Variants in SRM observed in about 807,000 individuals in gnomAD.
SRM encodes putrescine aminopropyltransferase.
A neutral mutation model predicts 39.3 loss-of-function variants in SRM; 14 were observed. The ratio of observed to expected loss-of-function variants is 0.36; its 90% CI spans 0.24 to 0.56. SRM has a LOEUF of 0.56. Among genes scored for constraint, SRM ranks in the 20% least tolerant of loss-of-function variants. The pLI is 0.86. For missense variants in SRM, 244 were observed against 409.2 expected (o/e 0.60, Z 3.48); for synonymous variants, 195 against 173.1 (o/e 1.13, Z -0.99).
chr1:11,056,195 C>T, intron 4 of SRM, 101 bp from the exon 5 acceptor site: 2 of 1,142,222 alleles, frequency 1.8e-6, no homozygotes, highest in South Asian at 1.6e-5. Context: ...GGATCTGAAC[C>T]CAGGTCTGTG....
In SRM at chr1:11,054,697, C is replaced by G. The variant is rs1638836399; in HGVS notation, c.*168G>C. Reference sequence around the variant, plus strand: ...AGGTGGAACGCCAGAGAGACAGACACACAGACAGTCCGCCCAGCAGGGCAG... The same window carrying G: ...AGGTGGAACGCCAGAGAGACAGACAGACAGACAGTCCGCCCAGCAGGGCAG... On this transcript the variant is annotated 3_prime_UTR_variant, in exon 8 of 8. Transcript: ENST00000376957. This position sits in a 1 kb window ranked among gnomAD's most constrained non-coding sequence, Gnocchi z 4.8. The G allele has an allele frequency of 2.0e-6, 2 of 983,308 alleles. No homozygotes were observed. The highest frequency in any genetic ancestry group is 2.9e-6 in the Non-Finnish European group (2 of 686,514). The allele number at this position is 983,308 out of a possible 1,614,324, so 60.9% of individuals were successfully genotyped here. A position where few individuals can be genotyped will look rare whatever the true frequency, so the allele number is the denominator to read the frequency against.
At chr1:11,058,773 C>A (rs756395231) in intron 3 of SRM, 27 bp downstream of exon 3, 1 of 1,580,938 alleles carries the variant, frequency 6.3e-7, no homozygotes, top group South Asian at 1.2e-5. Context: ...AACCAGGACT[C>A]AAACCTGGCT....
At chr1:11,057,111 C>A (rs1032412021) in intron 3 of SRM, among the ~76,000 whole-genome samples, 1 of 152,108 alleles carries the variant, frequency 6.6e-6, no homozygotes, top group Non-Finnish European at 1.5e-5. Context: ...CCCACCTCGG[C>A]CTCCAAAAGT....
Position 11,054,708 on chromosome 1 carries a change from C to T in SRM, c.*157G>A, listed in dbSNP as rs868152423. ...CAGAGAGACAGACACACAGACAGTC[C>T]GCCCAGCAGGGCAGGCCGGGCAGCA... On this transcript the variant is annotated 3_prime_UTR_variant, in exon 8 of 8. Coordinates refer to ENST00000376957, the MANE Select transcript of SRM (RefSeq NM_003132.3). This position sits in a 1 kb window ranked among gnomAD's most constrained non-coding sequence, Gnocchi z 4.8. The T allele has an allele frequency of 2.8e-5, 30 of 1,080,084 alleles. 1 individual carries two copies. The highest frequency in any genetic ancestry group is 1.8e-4 in the East Asian group (7 of 38,282). The allele number at this position is 1,080,084 out of a possible 1,614,324, so 66.9% of individuals were successfully genotyped here.
rs748291942 is a variant in SRM at position 11,056,111 on chromosome 1, G to A, written c.536-17C>T. 2 of 1,595,762 alleles carry A rather than the reference G, an allele frequency of 1.3e-6. No individual in the cohort carries two copies. Among genetic ancestry groups the A allele is most frequent in the Admixed American group, 1.7e-5 (1 of 58,064 alleles). ...CGGCGGGGCCTGGGGAAGACAGAGG[G>A]AGACACACTGAACAGTCTGGCTGTG... On this transcript the variant is annotated splice_polypyrimidine_tract_variant and intron_variant, in intron 4 of 7. Coordinates refer to ENST00000376957, the MANE Select transcript of SRM (RefSeq NM_003132.3).
At chr1:11,058,043 T>G (rs1638910438) in intron 3 of SRM, among the ~76,000 whole-genome samples, 1 of 152,088 alleles carries the variant, frequency 6.6e-6, no homozygotes, top group Admixed American at 6.6e-5. Context: ...CGTCCCAAAG[T>G]GCTGGGATTA....
chr1:11,059,043 T>C (rs1638929348), intron 2 of SRM, 151 bp from the exon 3 acceptor site: 9 of 1,343,480 alleles, frequency 6.7e-6, no homozygotes, highest in Non-Finnish European at 9.2e-6. Context: ...TTCCTGGAAG[T>C]TCCTTCCAGG....
intron 1 of SRM, 182 bp from the exon 2 acceptor site, chr1:11,059,527 G>C: frequency 2.8e-6 from 3 of 1,069,282 alleles, no homozygotes; most frequent in Non-Finnish European, 4.0e-6. Flanking sequence ...TGGGACCCGG[G>C]GTCTCCTCGG....
chr1:11,055,758 A>AACAC, intron 6 of SRM, 23 bp downstream of exon 6: 1 of 748,342 alleles, frequency 1.3e-6, no homozygotes, highest in Non-Finnish European at 2.1e-6. Context: ...CCCAACCCCC[A>AACAC]CCCCCAGACA....
At chr1:11,059,618 C>A (rs1638941574) in intron 1 of SRM, 159 bp downstream of exon 1, 2 of 1,016,626 alleles carry the variant, frequency 2.0e-6, no homozygotes, top group Non-Finnish European at 2.8e-6. Context: ...GCCCGCAGTC[C>A]CAGCCCCAGC....
chr1:11,056,466 G>A (rs1638878913), intron 4 of SRM, 138 bp downstream of exon 4: 2 of 1,098,240 alleles, frequency 1.8e-6, no homozygotes, highest in Admixed American at 2.7e-5. Context: ...CAGAGGGCAG[G>A]TAACAAATGA....
chr1:11,059,452 G>A (rs140930363), intron 1 of SRM, 107 bp from the exon 2 acceptor site: 2 of 1,536,582 alleles, frequency 1.3e-6, no homozygotes, highest in East Asian at 2.3e-5. Flanking sequence ...AGGGGTCCCA[G>A]GGATGAGGAG....
intron 3 of SRM, 80 bp downstream of exon 3, chr1:11,058,720 C>CG: frequency 7.8e-7 from 1 of 1,284,254 alleles, no homozygotes; most frequent in Non-Finnish European, 1.1e-6. Flanking sequence ...CTGCCTTGCT[C>CG]GGGGGTGTGC....
At chr1:11,058,226 G>A (rs1315213369) in intron 3 of SRM, among the ~76,000 whole-genome samples, 2 of 152,138 alleles carry the variant, frequency 1.3e-5, no homozygotes, top group Non-Finnish European at 2.9e-5. Flanking sequence ...CGTACAAATA[G>A]TTGAGCTGTC....
intron 1 of SRM, 40 bp from the exon 2 acceptor site, chr1:11,059,385 GGTGGGGAAAAC>G: frequency 6.2e-7 from 1 of 1,607,206 alleles, no homozygotes. Flanking sequence ...GGTTCTCTGG[GGTGGGGAAAAC>G]GTACCCCAAG....
Position 11,055,763 on chromosome 1 carries a change from C to CCA in SRM, c.765+17_765+18insTG. The CCA allele has an allele frequency of 6.5e-7, 1 of 1,534,124 alleles. No individual in the cohort carries two copies. Among genetic ancestry groups the CCA allele is most frequent in the Non-Finnish European group, 8.8e-7 (1 of 1,134,552 alleles). On this transcript the variant is annotated intron_variant, in intron 6 of 7. Coordinates refer to ENST00000376957, the MANE Select transcript of SRM (RefSeq NM_003132.3). ...CCACCTTCCCCCCAACCCCCACCCC[C>CCA]AGACACCCCCATCTCACCGGGTTCT...
At chr1:11,057,395 T>C (rs1229427622) in intron 3 of SRM, among the ~76,000 whole-genome samples, 2 of 151,412 alleles carry the variant, frequency 1.3e-5, no homozygotes, top group African/African-American at 2.4e-5. Flanking sequence ...CTCAGCTCAC[T>C]GCACCCTCCT....
In SRM at chr1:11,059,217, TG is replaced by T; in HGVS notation, c.288+7del. On this transcript the variant is annotated splice_region_variant and intron_variant, in intron 2 of 7. Coordinates refer to ENST00000376957, the MANE Select transcript of SRM (RefSeq NM_003132.3). The stretch of plus-strand genomic sequence containing the variant: ...CGTCCGGCACTGTTCCAGGGGACAC[TG>T]GGGTACCTTTCGCGGGTTGGGGTGG... 1 of 1,613,368 alleles carries T rather than the reference TG, an allele frequency of 6.2e-7. No individual in the cohort carries two copies. Among genetic ancestry groups the T allele is most frequent in the Non-Finnish European group, 8.5e-7 (1 of 1,179,938 alleles).
intron 3 of SRM, among the ~76,000 whole-genome samples, chr1:11,057,126 G>C (rs1638892295): frequency 6.6e-6 from 1 of 152,090 alleles, no homozygotes; most frequent in Non-Finnish European, 1.5e-5. Context: ...AAAAGTGCTA[G>C]GATTACAGCT....
Sources: gnomAD v4.1 joint callset for allele counts (sites outside exome capture counted in the v4.1 genomes callset) on GRCh38, gnomAD v4.1.1 for gene constraint, Gnocchi (gnomAD v3.1) non-coding constraint, MANE v1.5 for transcripts, NCBI Gene and HGNC (gene_info 2026-07-23, HGNC 2026-07-21) for gene names.